Variants in ANKS1B observed in about 807,000 individuals in gnomAD.
ANKS1B encodes ankyrin repeat and sterile alpha motif domain-containing protein 1B.
A neutral mutation model predicts 148.3 loss-of-function variants in ANKS1B; 36 were observed. That is an observed-to-expected ratio of 0.24 (90% confidence interval 0.19 to 0.32). ANKS1B has a LOEUF of 0.32. Among genes scored for constraint, ANKS1B ranks in the 10% least tolerant of loss-of-function variants. ANKS1B has a pLI of 1.00. For synonymous variants in ANKS1B, 542 were observed against 560.8 expected (o/e 0.97, Z 0.47); for missense variants, 1,157 against 1,542.6 (o/e 0.75, Z 4.19).
At chr12:99,873,796 T>G (rs150498818) in intron 1 of ANKS1B, among the ~76,000 whole-genome samples, 2 of 152,224 alleles carry the variant, frequency 1.3e-5, no homozygotes, top group East Asian at 3.9e-4. Flanking sequence ...CAGATTGCCC[T>G]CTGCAATCTA....
In ANKS1B at chr12:99,387,353, C is replaced by T. The variant is rs1195818345; in HGVS notation, c.1756+12278G>A. Among the ~76,000 whole-genome samples the T allele has an allele frequency of 2.6e-5, 4 of 152,170 alleles. No individual in the cohort carries two copies. In the South Asian group the frequency reaches 6.2e-4, roughly 24 times the overall value. On this transcript the variant is annotated intron_variant, in intron 12 of 26. Transcript: ENST00000683438. Reference sequence around the variant, plus strand: ...AGAAGCCTGGCCGGGCGCGGTGGCTCACGCCTGTAATCCCAGCACTTTGGG... The same window carrying T: ...AGAAGCCTGGCCGGGCGCGGTGGCTTACGCCTGTAATCCCAGCACTTTGGG...
At chr12:98,999,595 A>G (rs560204144) in intron 17 of ANKS1B, among the ~76,000 whole-genome samples, 1 of 152,232 alleles carries the variant, frequency 6.6e-6, no homozygotes, top group African/African-American at 2.4e-5. Flanking sequence ...TTAACTCTTT[A>G]TATCTATGAT....
intron 14 of ANKS1B, among the ~76,000 whole-genome samples, chr12:99,224,032 T>C (rs1004650140): frequency 1.3e-5 from 2 of 152,136 alleles, no homozygotes; most frequent in Non-Finnish European, 2.9e-5. Context: ...CTTTAATATA[T>C]AAAAATAAAC....
At chr12:99,536,251 G>C (rs895989100) in intron 9 of ANKS1B, among the ~76,000 whole-genome samples, 1 of 152,134 alleles carries the variant, frequency 6.6e-6, no homozygotes, top group Admixed American at 6.5e-5. Context: ...TGTCAATGTA[G>C]GTTCATCAAT....
At chr12:99,569,413 A>T (rs1168023110) in intron 9 of ANKS1B, among the ~76,000 whole-genome samples, 2 of 152,222 alleles carry the variant, frequency 1.3e-5, no homozygotes, top group Admixed American at 1.3e-4. Flanking sequence ...TCCTCATCTT[A>T]AAAATAATAA....
chr12:99,705,457 G>A (rs2055590437), intron 8 of ANKS1B, among the ~76,000 whole-genome samples: 1 of 152,092 alleles, frequency 6.6e-6, no homozygotes, highest in African/African-American at 2.4e-5. Flanking sequence ...CTGTTGTCAA[G>A]ACTTCTCCAA....
intron 26 of ANKS1B, among the ~76,000 whole-genome samples, chr12:98,747,543 T>C (rs546945966): frequency 3.3e-4 from 51 of 152,320 alleles, no homozygotes; most frequent in Middle Eastern, 3.4e-3. Flanking sequence ...GAGAATAGCA[T>C]GGAGGGTCCT....
chr12:99,017,869 G>A (rs926148482), intron 17 of ANKS1B, among the ~76,000 whole-genome samples: 4 of 152,142 alleles, frequency 2.6e-5, no homozygotes, highest in East Asian at 1.9e-4. Flanking sequence ...TGGCCTTGGC[G>A]GGATGGGAGG....
intron 12 of ANKS1B, among the ~76,000 whole-genome samples, chr12:99,314,503 C>G (rs1222402309): frequency 6.6e-6 from 1 of 152,182 alleles, no homozygotes; most frequent in Non-Finnish European, 1.5e-5. Flanking sequence ...CATCATGCTA[C>G]CTGACTTTGA....
chr12:99,966,885 A>G (rs907825818), intron 1 of ANKS1B, among the ~76,000 whole-genome samples: 3 of 152,204 alleles, frequency 2.0e-5, no homozygotes, highest in Non-Finnish European at 4.4e-5. Context: ...AATGTACAAG[A>G]TAGAAAACAA....
At chr12:99,483,746 G>C (rs1028881685) in intron 10 of ANKS1B, among the ~76,000 whole-genome samples, 14 of 151,852 alleles carry the variant, frequency 9.2e-5, no homozygotes, top group Non-Finnish European at 2.1e-4. Flanking sequence ...ATGTTTCCAG[G>C]AATTGACCCA....
intron 8 of ANKS1B, among the ~76,000 whole-genome samples, chr12:99,767,823 A>G (rs191175200): frequency 5.9e-5 from 9 of 152,092 alleles, no homozygotes; most frequent in Admixed American, 3.3e-4. Flanking sequence ...TATTACATGC[A>G]AAACCTCCAA....
At chr12:99,873,175 C>A (rs940325351) in intron 1 of ANKS1B, among the ~76,000 whole-genome samples, 3 of 152,100 alleles carry the variant, frequency 2.0e-5, no homozygotes, top group African/African-American at 7.2e-5. Context: ...TTATCACCAT[C>A]ATTTTTGCCT....
intron 17 of ANKS1B, among the ~76,000 whole-genome samples, chr12:99,004,632 G>C (rs2099935037): frequency 6.6e-6 from 1 of 151,882 alleles, no homozygotes; most frequent in Non-Finnish European, 1.5e-5. Context: ...TGCGGGGAAG[G>C]AGGCAGGGCT....
chr12:99,228,362 C>T (rs2086283617), intron 14 of ANKS1B, among the ~76,000 whole-genome samples: 1 of 152,002 alleles, frequency 6.6e-6, no homozygotes, highest in Admixed American at 6.6e-5. Context: ...TGTCAGAGAA[C>T]TGTATATGGC....
At chr12:99,413,327 T>G (rs2094781872) in intron 11 of ANKS1B, among the ~76,000 whole-genome samples, 1 of 152,068 alleles carries the variant, frequency 6.6e-6, no homozygotes, top group African/African-American at 2.4e-5. Flanking sequence ...AAAACACAAA[T>G]CTAGTGAATT....
chr12:99,718,373 C>T (rs1341179652), intron 8 of ANKS1B, among the ~76,000 whole-genome samples: 1 of 151,990 alleles, frequency 6.6e-6, no homozygotes, highest in African/African-American at 2.4e-5. Context: ...CCTCTTGTAT[C>T]CCCCCACCTT....
chr12:99,452,071 T>C (rs538444085), intron 10 of ANKS1B, among the ~76,000 whole-genome samples: 1 of 152,256 alleles, frequency 6.6e-6, no homozygotes, highest in East Asian at 1.9e-4. Context: ...TGACAAATTT[T>C]TTCTGTAAAG....
intron 1 of ANKS1B, among the ~76,000 whole-genome samples, chr12:99,945,447 C>T (rs567750691): frequency 2.0e-5 from 3 of 151,776 alleles, no homozygotes; most frequent in South Asian, 2.1e-4. Context: ...AGTAACAGCA[C>T]GGTGTCAGTT....
Sources: gnomAD v4.1 joint callset for allele counts (sites outside exome capture counted in the v4.1 genomes callset) on GRCh38, gnomAD v4.1.1 for gene constraint, MANE v1.5 for transcripts, NCBI Gene and HGNC (gene_info 2026-07-23, HGNC 2026-07-21) for gene names.